Variants in TSHZ2 observed in about 807,000 individuals in gnomAD.
The protein encoded by TSHZ2 is teashirt zinc finger homeobox 2.
In TSHZ2, 21 loss-of-function variants were observed where a neutral mutation model predicts 74.4. The ratio of observed to expected loss-of-function variants is 0.28; its 90% CI spans 0.20 to 0.41. TSHZ2 has a LOEUF of 0.41. Among genes scored for constraint, TSHZ2 ranks in the 10% least tolerant of loss-of-function variants. The probability of loss-of-function intolerance (pLI) is 1.00; values close to 1 mark genes in which losing one functional copy is unlikely to be tolerated. For synonymous variants in TSHZ2, 540 were observed against 515.3 expected, an observed-to-expected ratio of 1.05 and a Z score of -0.65; for missense variants, 1,244 against 1,293.5, an observed-to-expected ratio of 0.96 and a Z score of 0.59.
At chr20:53,204,535 A>G (rs1029148053) in intron 1 of TSHZ2, among the ~76,000 whole-genome samples, 1 of 152,048 alleles carries the variant, frequency 6.6e-6, no homozygotes, top group Non-Finnish European at 1.5e-5. Context: ...CTACTGAAGC[A>G]TATGAAATTC....
intron 1 of TSHZ2, among the ~76,000 whole-genome samples, chr20:53,014,228 G>A (rs1357494810): frequency 2.0e-5 from 3 of 152,060 alleles, no homozygotes; most frequent in Non-Finnish European, 4.4e-5. Context: ...AGAGAAGAGA[G>A]CGAGTGCACA....
chr20:53,462,389 G>C (rs1356629125), intron 2 of TSHZ2, among the ~76,000 whole-genome samples: 1 of 152,212 alleles, frequency 6.6e-6, no homozygotes, highest in African/African-American at 2.4e-5. Context: ...ATTCAGAGGT[G>C]CTGGGGCTTA....
At chr20:53,010,043 G>C (rs770151958) in intron 1 of TSHZ2, among the ~76,000 whole-genome samples, 1 of 151,998 alleles carries the variant, frequency 6.6e-6, no homozygotes, top group African/African-American at 2.4e-5. Context: ...AAAGGCTCTC[G>C]TCCATGGGTC....
At chr20:53,025,715 AAT>A (rs1264088676) in intron 1 of TSHZ2, among the ~76,000 whole-genome samples, 4 of 152,156 alleles carry the variant, frequency 2.6e-5, no homozygotes, top group Non-Finnish European at 5.9e-5. Flanking sequence ...ATATAAATTC[AAT>A]TTCTTATATG....
intron 1 of TSHZ2, among the ~76,000 whole-genome samples, chr20:53,167,939 G>C (rs1226645378): frequency 6.6e-6 from 1 of 152,162 alleles, no homozygotes; most frequent in South Asian, 2.1e-4. Flanking sequence ...AAAGTCCCTG[G>C]TACATTTCTG....
intron 2 of TSHZ2, among the ~76,000 whole-genome samples, chr20:53,305,566 G>T (rs1223283301): frequency 6.6e-6 from 1 of 152,140 alleles, no homozygotes. Flanking sequence ...TTCATTTCCT[G>T]CTCCAATGAG....
chr20:53,147,895 T>C (rs1010791568), intron 1 of TSHZ2, among the ~76,000 whole-genome samples: 2 of 152,144 alleles, frequency 1.3e-5, no homozygotes, highest in Admixed American at 6.5e-5. Flanking sequence ...TTTTGTATTT[T>C]TAGTAGAGCT....
chr20:53,138,132 C>CA (rs937147510), intron 1 of TSHZ2, among the ~76,000 whole-genome samples: 1 of 152,148 alleles, frequency 6.6e-6, no homozygotes, highest in Non-Finnish European at 1.5e-5. Context: ...CCTGTAATCC[C>CA]AGCACTTTGG....
At chr20:53,150,358 C>T (rs998110559) in intron 1 of TSHZ2, among the ~76,000 whole-genome samples, 2 of 152,162 alleles carry the variant, frequency 1.3e-5, no homozygotes, top group African/African-American at 4.8e-5. Flanking sequence ...AGTGATGATG[C>T]AAACCAGGGA....
intron 2 of TSHZ2, among the ~76,000 whole-genome samples, chr20:53,433,565 A>ACAGACACGCAGACACG (rs796332635): frequency 8.7e-6 from 1 of 115,412 alleles, no homozygotes; most frequent in African/African-American, 3.4e-5. Context: ...ACAAACCAAC[A>ACAGACACGCAGACACG]CAGACACACA....
chr20:53,358,444 A>G (rs770073340), intron 2 of TSHZ2, among the ~76,000 whole-genome samples: 2 of 141,708 alleles, frequency 1.4e-5, no homozygotes, highest in Non-Finnish European at 3.0e-5. Flanking sequence ...AGGTTCAAGC[A>G]GTTCTCGTGC....
chr20:53,237,489 C>G (rs995450348), intron 1 of TSHZ2, among the ~76,000 whole-genome samples: 6 of 138,220 alleles, frequency 4.3e-5, no homozygotes, highest in Admixed American at 1.4e-4. Flanking sequence ...CTCTGTCTCT[C>G]TCTTTCTCTG....
intron 1 of TSHZ2, among the ~76,000 whole-genome samples, chr20:53,038,852 A>C (rs1600659924): frequency 9.1e-6 from 1 of 110,146 alleles, no homozygotes; most frequent in Non-Finnish European, 2.0e-5. Context: ...GGGCCTTTTC[A>C]CTTCTTGTTT....
intron 1 of TSHZ2, among the ~76,000 whole-genome samples, chr20:53,138,253 G>A (rs371311117): frequency 8.5e-5 from 13 of 152,122 alleles, no homozygotes; most frequent in East Asian, 7.7e-4. Flanking sequence ...GCGTGGTGGT[G>A]GGCGCCTGTA....
intron 1 of TSHZ2, among the ~76,000 whole-genome samples, chr20:53,138,195 A>G (rs755079986): frequency 3.3e-5 from 5 of 152,106 alleles, no homozygotes; most frequent in Admixed American, 6.5e-5. Context: ...ATCCTGGCTA[A>G]CACGGTGAAA....
rs560136878 is a variant in TSHZ2, at chr20:53,191,016, C to CT, written c.41-62482dup. Among the ~76,000 whole-genome samples, 996 of 152,232 alleles carry CT rather than the reference C, an allele frequency of 6.5e-3. 9 individuals carry two copies. The highest frequency in any genetic ancestry group is 0.023 in the African/African-American group (956 of 41,542). On this transcript the variant is annotated intron_variant, in intron 1 of 2. Coordinates refer to ENST00000371497, the MANE Select transcript of TSHZ2 (RefSeq NM_173485.6). ...CTAAAGAAAAAGAAGGTTGACCTTC[C>CT]TGATGGTTCAGGGAGCACAGAAAAT...
chr20:53,129,836 T>C (rs1375924204), intron 1 of TSHZ2, among the ~76,000 whole-genome samples: 1 of 151,922 alleles, frequency 6.6e-6, no homozygotes, highest in Non-Finnish European at 1.5e-5. Flanking sequence ...CCTGGCATCC[T>C]TCTGCTTGCC....
At position 53,253,866 on chromosome 20, in the gene TSHZ2, C is replaced by G; in HGVS notation, c.408C>G (p.Ser136=). Residue 136 remains serine, a synonymous_variant, in exon 2 of 3, where the codon TCC becomes TCG. Coordinates refer to ENST00000371497, the MANE Select transcript of TSHZ2 (RefSeq NM_173485.6). ...TAVYANILSD[S]YWSGLGLGFK... ...TCTACGCCAACATCCTGTCGGATTC[C>G]TACTGGTCAGGCCTGGGCCTTGGCT... 1 of 1,614,184 alleles carries G rather than the reference C, an allele frequency of 6.2e-7. No individual in the cohort carries two copies. The highest frequency in any genetic ancestry group is 1.1e-5 in the South Asian group (1 of 91,072).
chr20:53,174,831 C>A (rs551381697), intron 1 of TSHZ2, among the ~76,000 whole-genome samples: 3 of 151,766 alleles, frequency 2.0e-5, no homozygotes, highest in Non-Finnish European at 4.4e-5. Context: ...AAATTGGGTC[C>A]CAAACAAAAA....
Sources: allele counts gnomAD v4.1 joint callset (sites outside exome capture counted in the v4.1 genomes callset), GRCh38; gene constraint gnomAD v4.1.1; transcripts MANE v1.5; gene names NCBI Gene and HGNC (gene_info 2026-07-23, HGNC 2026-07-21).